The following PFKFB3 variants were observed in gnomAD, a reference collection of about 807,000 sequenced individuals.
The protein encoded by PFKFB3 is 6-phosphofructo-2-kinase/fructose-2,6-bisphosphatase 3.
In PFKFB3, 33 loss-of-function variants were observed where a neutral mutation model predicts 68.0. The ratio of observed to expected loss-of-function variants is 0.49; its 90% CI spans 0.37 to 0.65. The LOEUF (loss-of-function observed/expected upper bound fraction) is 0.65. Ranked by LOEUF, PFKFB3 falls within the 30% of genes least tolerant of loss-of-function variation. The pLI is 0.00. For synonymous variants in PFKFB3, 315 were observed against 288.2 expected, an observed-to-expected ratio of 1.09 and a Z score of -0.94; for missense variants, 586 against 712.2, an observed-to-expected ratio of 0.82 and a Z score of 2.02.
the PFKFB3 span, among the ~76,000 whole-genome samples, chr10:6,307,090 T>C: frequency 1.3e-5 from 2 of 152,142 alleles, no homozygotes; most frequent in Non-Finnish European, 2.9e-5. Flanking sequence ...TGACCTCCCC[T>C]GAGCAAGAGG....
At chr10:6,177,392 C>CTTTCTTTCTTTCT (rs1842517522) in intron 1 of PFKFB3, among the ~76,000 whole-genome samples, 1 of 135,456 alleles carries the variant, frequency 7.4e-6, no homozygotes, top group African/African-American at 3.0e-5. Context: ...TTCTTTCTTT[C>CTTTCTTTCTTTCT]TTTCTTTCTT....
chr10:6,198,262 G>T (rs1588457099), upstream of PFKFB3, among the ~76,000 whole-genome samples: 1 of 143,716 alleles, frequency 7.0e-6, no homozygotes, highest in Non-Finnish European at 1.5e-5. Context: ...AAAAAAAAAA[G>T]AAAAAGAAAA....
chr10:6,209,264 C>T (rs1238284052), intron 1 of PFKFB3, among the ~76,000 whole-genome samples: 1 of 152,180 alleles, frequency 6.6e-6, no homozygotes, highest in African/African-American at 2.4e-5. Context: ...AGGGTCTTTA[C>T]ACAGTTGTTC....
chr10:6,193,422 A>ACATT (rs1354382176), intron 1 of PFKFB3, among the ~76,000 whole-genome samples: 2 of 152,230 alleles, frequency 1.3e-5, no homozygotes, highest in Admixed American at 1.3e-4. Context: ...GCAAAGGTAA[A>ACATT]CATTCATTCA....
intron 14 of PFKFB3, among the ~76,000 whole-genome samples, chr10:6,249,992 T>C (rs546317989): frequency 6.6e-6 from 1 of 152,238 alleles, no homozygotes; most frequent in South Asian, 2.1e-4. Context: ...AATGTGAACA[T>C]TTAAAAAAGC....
Position 6,229,010 on chromosome 10 carries a change from T to C in PFKFB3, c.1515+2645T>C. ...AGGCCTTCCTGCCACAGAACTTTAATGACAGCCACATGAAGTGTCATCCCC... is the reference window on the plus strand; with the variant it reads ...AGGCCTTCCTGCCACAGAACTTTAACGACAGCCACATGAAGTGTCATCCCC... On this transcript the variant is annotated intron_variant, in intron 14 of 14. Transcript: ENST00000379775. This position sits in a 1 kb window ranked among gnomAD's most constrained non-coding sequence, Gnocchi z 4.3. 1 of 457,268 alleles carries C rather than the reference T, an allele frequency of 2.2e-6. No homozygotes were observed. Among genetic ancestry groups the C allele is most frequent in the South Asian group, 1.6e-5 (1 of 62,638 alleles). 28.3% of individuals were successfully genotyped at this position (457,268 alleles called of 1,614,324 possible). A position where few individuals can be genotyped will look rare whatever the true frequency, so the allele number is the denominator to read the frequency against.
At chr10:6,199,917 T>A (rs1843279969), upstream of PFKFB3, among the ~76,000 whole-genome samples, 1 of 151,908 alleles carries the variant, frequency 6.6e-6, no homozygotes, top group Non-Finnish European at 1.5e-5. Flanking sequence ...CACAGCCTGA[T>A]CAGCGGCTAA....
At chr10:6,291,339 G>C in the PFKFB3 span, among the ~76,000 whole-genome samples, 1 of 152,158 alleles carries the variant, frequency 6.6e-6, no homozygotes, top group African/African-American at 2.4e-5. Flanking sequence ...GCCAAGGTGG[G>C]CGGATCACTT....
intron 1 of PFKFB3, among the ~76,000 whole-genome samples, chr10:6,210,602 G>A (rs1184635018): frequency 8.1e-5 from 2 of 24,548 alleles, no homozygotes; most frequent in Admixed American, 4.3e-4. Context: ...AATAGACGGG[G>A]TTTCGCCATG....
chr10:6,323,672 C>T, the PFKFB3 span, among the ~76,000 whole-genome samples: 330 of 152,334 alleles, frequency 2.2e-3, 1 homozygote, highest in African/African-American at 7.6e-3. Flanking sequence ...GAATTGTTCA[C>T]TCCGTGCCTC....
At chr10:6,310,239 C>G in the PFKFB3 span, among the ~76,000 whole-genome samples, 1 of 151,948 alleles carries the variant, frequency 6.6e-6, no homozygotes, top group Non-Finnish European at 1.5e-5. Context: ...GAGCAGTGAC[C>G]GGGGGTGTCC....
chr10:6,304,517 G>T, the PFKFB3 span, among the ~76,000 whole-genome samples: 1 of 149,504 alleles, frequency 6.7e-6, no homozygotes, highest in Non-Finnish European at 1.5e-5. Context: ...TAGCCATCAC[G>T]CCTGGCTAAT....
chr10:6,321,668 C>T, the PFKFB3 span, among the ~76,000 whole-genome samples: 3 of 152,206 alleles, frequency 2.0e-5, no homozygotes, highest in African/African-American at 7.2e-5. Context: ...AAAAATCACT[C>T]ACTCACCCAA....
At chr10:6,211,381 C>T (rs1158830446) in intron 1 of PFKFB3, among the ~76,000 whole-genome samples, 1 of 152,188 alleles carries the variant, frequency 6.6e-6, no homozygotes, top group South Asian at 2.1e-4. Context: ...TATGTGTGTG[C>T]GTCTGTCTCT....
At chr10:6,296,553 G>C in the PFKFB3 span, among the ~76,000 whole-genome samples, 1 of 152,176 alleles carries the variant, frequency 6.6e-6, no homozygotes, top group Non-Finnish European at 1.5e-5. Context: ...TGTGACTTCT[G>C]GATTATATGC....
At chr10:6,227,097 G>A (rs1258528035) in intron 14 of PFKFB3, among the ~76,000 whole-genome samples, 1 of 151,544 alleles carries the variant, frequency 6.6e-6, no homozygotes, top group Non-Finnish European at 1.5e-5. Flanking sequence ...AAAAAAAAAA[G>A]CAAAAAACCC....
At chr10:6,152,160 C>T (rs1203720867) in intron 1 of PFKFB3, 1 of 154,600 alleles carries the variant, frequency 6.5e-6, no homozygotes, top group East Asian at 1.9e-4. Flanking sequence ...TTCAAGGCCA[C>T]TAATGGGTGG....
chr10:6,180,849 T>C (rs150034043), intron 1 of PFKFB3, among the ~76,000 whole-genome samples: 125 of 152,342 alleles, frequency 8.2e-4, no homozygotes, highest in African/African-American at 2.8e-3. Flanking sequence ...GATGTTCTAC[T>C]CTGTGTGTTA....
At chr10:6,313,108 C>T in the PFKFB3 span, among the ~76,000 whole-genome samples, 5 of 152,286 alleles carry the variant, frequency 3.3e-5, no homozygotes, top group East Asian at 7.7e-4. The surrounding 1 kb of genome is among the most constrained non-coding windows in gnomAD (Gnocchi z 4.2). Flanking sequence ...ATAGCTTTAA[C>T]GTGAAACTGC....
Sources: gnomAD v4.1 joint callset for allele counts (sites outside exome capture counted in the v4.1 genomes callset) on GRCh38, gnomAD v4.1.1 for gene constraint, Gnocchi (gnomAD v3.1) non-coding constraint, MANE v1.5 for transcripts, NCBI Gene and HGNC (gene_info 2026-07-23, HGNC 2026-07-21) for gene names.